Variants in PIK3C2A observed in about 807,000 individuals in gnomAD.
PIK3C2A encodes phosphatidylinositol 4-phosphate 3-kinase C2 domain-containing subunit alpha.
Under a neutral mutation model 204.5 loss-of-function variants are expected in PIK3C2A, and 97 were observed. The ratio of observed to expected loss-of-function variants is 0.47; its 90% CI spans 0.40 to 0.56. The LOEUF (loss-of-function observed/expected upper bound fraction) is 0.56. PIK3C2A is among the 20% of genes least tolerant of loss of function. The pLI is 0.00. For missense variants in PIK3C2A, 1,735 were observed against 1,969.2 expected (o/e 0.88, Z 2.25); for synonymous variants, 653 against 664.4 (o/e 0.98, Z 0.26).
At chr11:17,191,786 G>A (rs554641638) in intron 1 of PIK3C2A, among the ~76,000 whole-genome samples, 82 of 152,148 alleles carry the variant, frequency 5.4e-4, no homozygotes, top group South Asian at 1.2e-3. Flanking sequence ...TAGCTAACTC[G>A]GAGAGGATCT....
chr11:17,094,352 T>C lies in PIK3C2A; in HGVS notation c.4360A>G (p.Ile1454Val), dbSNP rs1348666797. The change falls in exon 28 of 33, where the codon ATT becomes GTT. Residue 1454 changes from isoleucine to valine, a missense_variant. Ile to Val is a conservative substitution (Grantham distance 29). Transcript: ENST00000691414. ...YVVRILREGQ[I>V]EPSFVFRTFD... The stretch of plus-strand genomic sequence containing the variant: ...GTTCGGAAGACAAATGATGGTTCAA[T>C]CTGTCCTTCCCTCAAAATTCGGACT... 4 of 1,609,932 alleles carry C rather than the reference T, an allele frequency of 2.5e-6. No homozygotes were observed. The South Asian group carries it at 4.4e-5, about 18-fold the overall frequency.
At chr11:17,168,545 C>A in intron 2 of PIK3C2A, 132 bp downstream of exon 2, 1 of 648,602 alleles carries the variant, frequency 1.5e-6, no homozygotes, top group Non-Finnish European at 2.6e-6. Context: ...CACGCCACTG[C>A]ACTCCAGCCT....
At position 17,089,650 on chromosome 11, in the gene PIK3C2A, A is replaced by AGT. The variant is rs66708666; in HGVS notation, c.*86_*87dup. 3.0e-3 allele frequency: 2,129 copies of AGT among 698,036 alleles called. 5 individuals are homozygous for AGT. The highest frequency in any genetic ancestry group is 1.0e-2 in the East Asian group (356 of 35,726). The allele number at this position is 698,036 out of a possible 1,614,324, so 43.2% of individuals were successfully genotyped here. On this transcript the variant is annotated 3_prime_UTR_variant, in exon 33 of 33. Coordinates refer to ENST00000691414, the MANE Select transcript of PIK3C2A (RefSeq NM_002645.4). ...ATAAAAATACTATACAAAATTAACA[A>AGT]GTGTGTGTGTGTGTGTCTGTGTGTG...
At chr11:17,123,053 G>A (rs557034641) in intron 13 of PIK3C2A, among the ~76,000 whole-genome samples, 1 of 152,254 alleles carries the variant, frequency 6.6e-6, no homozygotes, top group South Asian at 2.1e-4. Context: ...TTATCTTGGG[G>A]AAAATGGTGT....
At chr11:17,101,597 CTTTT>C (rs984303086) in intron 24 of PIK3C2A, among the ~76,000 whole-genome samples, 163 bp from the exon 25 acceptor site, 1 of 149,172 alleles carries the variant, frequency 6.7e-6, no homozygotes, top group African/African-American at 2.5e-5. Flanking sequence ...TAACATTTTT[CTTTT>C]TTTTTCTTTT....
intron 2 of PIK3C2A, among the ~76,000 whole-genome samples, chr11:17,159,796 G>A (rs771022878): frequency 2.0e-5 from 3 of 152,208 alleles, no homozygotes; most frequent in African/African-American, 7.2e-5. Flanking sequence ...CAGCTGGCAA[G>A]CTGGAGACAA....
chr11:17,183,711 G>A (rs1002925166), intron 1 of PIK3C2A, among the ~76,000 whole-genome samples: 3 of 151,834 alleles, frequency 2.0e-5, no homozygotes, highest in East Asian at 1.9e-4. Context: ...CCACTTTATC[G>A]TAAGTTATGT....
intron 3 of PIK3C2A, 99 bp from the exon 4 acceptor site, chr11:17,150,754 T>C (rs1850400447): frequency 2.7e-6 from 2 of 734,850 alleles, no homozygotes; most frequent in Non-Finnish European, 4.0e-6. Flanking sequence ...CAGTTCTGTG[T>C]CTTTGTCCAA....
intron 1 of PIK3C2A, among the ~76,000 whole-genome samples, chr11:17,176,174 TTG>T (rs1371418425): frequency 1.5e-5 from 2 of 134,932 alleles, no homozygotes; most frequent in African/African-American, 3.5e-5. Context: ...CGGCTCATTT[TTG>T]TTTTTTTTTT....
At chr11:17,142,806 T>C (rs1850109703) in intron 8 of PIK3C2A, among the ~76,000 whole-genome samples, 1 of 152,056 alleles carries the variant, frequency 6.6e-6, no homozygotes, top group African/African-American at 2.4e-5. Flanking sequence ...CCTTAATAAG[T>C]ACAGTTTCAG....
At position 17,168,834 on chromosome 11, in the gene PIK3C2A, G is replaced by A; in HGVS notation, c.908C>T (p.Pro303Leu). The A allele has an allele frequency of 6.2e-7, 1 of 1,614,036 alleles. No individual in the cohort carries two copies. The highest frequency in any genetic ancestry group is 8.5e-7 in the Non-Finnish European group (1 of 1,180,014). Residue 303 changes from proline (P) to leucine (L), a missense_variant, in exon 2 of 33, where the codon CCT becomes CTT. By Grantham distance (98) the Pro-to-Leu change is moderately conservative. Coordinates refer to ENST00000691414, the MANE Select transcript of PIK3C2A (RefSeq NM_002645.4). ...CTCTTCAAGAAGAACAGCATCCCAA[G>A]GATCCTTTGCTAGCAAACTTGAAAC... ...KNVSSLLAKDPWDAVLLEERS... is the reference protein window; with the variant it reads ...KNVSSLLAKDLWDAVLLEERS...
At chr11:17,175,656 G>A (rs1851311768) in intron 1 of PIK3C2A, among the ~76,000 whole-genome samples, 1 of 152,178 alleles carries the variant, frequency 6.6e-6, no homozygotes. Context: ...GTAACCCAGT[G>A]AAGATCACAA....
chr11:17,091,900 C>T, intron 30 of PIK3C2A, 96 bp downstream of exon 30: 1 of 831,918 alleles, frequency 1.2e-6, no homozygotes. Context: ...TCTCAGACTA[C>T]AGCTAGTAAG....
intron 1 of PIK3C2A, among the ~76,000 whole-genome samples, chr11:17,201,525 C>CAAAAAAAAAAAAAAA (rs869055451): frequency 3.4e-5 from 1 of 29,002 alleles, no homozygotes; most frequent in Non-Finnish European, 7.0e-5. Context: ...GACTCCGTCT[C>CAAAAAAAAAAAAAAA]AAAAAAAAAA....
chr11:17,116,631 C>T (rs1358724565), intron 19 of PIK3C2A, among the ~76,000 whole-genome samples: 1 of 151,874 alleles, frequency 6.6e-6, no homozygotes, highest in African/African-American at 2.4e-5. Flanking sequence ...GCTCTGTCGC[C>T]CAGGCTGGAG....
chr11:17,158,223 C>T (rs1850661432), intron 2 of PIK3C2A, among the ~76,000 whole-genome samples: 1 of 151,852 alleles, frequency 6.6e-6, no homozygotes, highest in African/African-American at 2.4e-5. Context: ...TGGTGCATGC[C>T]TGTAATCCCA....
intron 2 of PIK3C2A, among the ~76,000 whole-genome samples, chr11:17,161,053 A>T (rs1350245427): frequency 6.6e-6 from 1 of 152,150 alleles, no homozygotes. Flanking sequence ...GTGAGTTTGG[A>T]GGTTTAAGGA....
At chr11:17,191,877 A>G (rs1851955987) in intron 1 of PIK3C2A, among the ~76,000 whole-genome samples, 1 of 152,022 alleles carries the variant, frequency 6.6e-6, no homozygotes, top group South Asian at 2.1e-4. Flanking sequence ...TCATGCCTGT[A>G]CTACGAACAC....
intron 1 of PIK3C2A, chr11:17,194,188 T>C: frequency 9.2e-6 from 5 of 545,064 alleles, no homozygotes; most frequent in Non-Finnish European, 1.1e-5. Flanking sequence ...CCAAGGGGCT[T>C]GGGTTGTGCC....
Sources: gnomAD v4.1 joint callset for allele counts (sites outside exome capture counted in the v4.1 genomes callset) on GRCh38, gnomAD v4.1.1 for gene constraint, MANE v1.5 for transcripts, NCBI Gene and HGNC (gene_info 2026-07-23, HGNC 2026-07-21) for gene names.